The following SNRPG variants were observed in gnomAD, a reference collection of about 807,000 sequenced individuals.
The protein encoded by SNRPG is small nuclear ribonucleoprotein polypeptide G.
In SNRPG, 3 loss-of-function variants were observed where a neutral mutation model predicts 13.9. The observed-to-expected ratio is 0.22, with a 90% CI of 0.10 to 0.56. The LOEUF is 0.56. SNRPG is among the 20% of genes least tolerant of loss of function. The pLI is 0.93. For synonymous variants in SNRPG, 29 were observed against 29.3 expected (o/e 0.99, Z 0.03); for missense variants, 34 against 96.1 (o/e 0.35, Z 2.70).
At chr2:70,288,512 G>T (rs1299846655) in intron 2 of SNRPG, among the ~76,000 whole-genome samples, 1 of 152,158 alleles carries the variant, frequency 6.6e-6, no homozygotes, top group Non-Finnish European at 1.5e-5. Context: ...TCCCGCTTTG[G>T]CCTCCCAAAG....
intron 1 of SNRPG, among the ~76,000 whole-genome samples, chr2:70,290,002 TTC>T (rs1219373171): frequency 6.6e-6 from 1 of 151,140 alleles, no homozygotes; most frequent in Non-Finnish European, 1.5e-5. Context: ...CTAAATTTCT[TTC>T]TTTTTTTTTT....
intron 3 of SNRPG, among the ~76,000 whole-genome samples, chr2:70,283,700 T>A (rs1341508339): frequency 6.6e-6 from 1 of 152,172 alleles, no homozygotes; most frequent in Non-Finnish European, 1.5e-5. Flanking sequence ...ATTGGTAGGA[T>A]AAGTGTCTTG....
chr2:70,293,231 GCC>G, intron 1 of SNRPG: 1 of 702,236 alleles, frequency 1.4e-6, no homozygotes. Flanking sequence ...TTCCCTTCCA[GCC>G]CCTCCTTAGT....
At chr2:70,293,087 C>T in intron 1 of SNRPG, 1 of 702,100 alleles carries the variant, frequency 1.4e-6, no homozygotes, top group South Asian at 1.5e-5. Context: ...ACATGACATT[C>T]AAGCTTAACG....
At chr2:70,291,011 CAA>C (rs1388618800) in intron 1 of SNRPG, among the ~76,000 whole-genome samples, 1 of 76,958 alleles carries the variant, frequency 1.3e-5, no homozygotes, top group Non-Finnish European at 2.7e-5. Context: ...AACTCCATCT[CAA>C]AACACACACA....
chr2:70,291,114 C>T (rs148596598), intron 1 of SNRPG, among the ~76,000 whole-genome samples: 1 of 151,758 alleles, frequency 6.6e-6, no homozygotes, highest in South Asian at 2.1e-4. Flanking sequence ...AAATATAACA[C>T]ACAAGATCTT....
rs1387153487 is a variant in SNRPG at position 70,281,448 on chromosome 2, T to G, written c.*186A>C. 2.4e-6 allele frequency: 1 copy of G among 414,876 alleles called. No individual in the cohort carries two copies. The highest frequency in any genetic ancestry group is 4.4e-6 in the Non-Finnish European group (1 of 225,954). The allele number at this position is 414,876 out of a possible 1,614,324, so 25.7% of individuals were successfully genotyped here. ...TCAATGTCAACCAGGAAAATTCATG[T>G]TAGAAAAAACTGGAATGAGAGCTGA... On this transcript the variant is annotated 3_prime_UTR_variant, in exon 4 of 4. Coordinates refer to ENST00000272348, the MANE Select transcript of SNRPG (RefSeq NM_003096.4).
At chr2:70,283,107 A>ACAAC (rs1696844214) in intron 3 of SNRPG, among the ~76,000 whole-genome samples, 2 of 145,396 alleles carry the variant, frequency 1.4e-5, no homozygotes, top group African/African-American at 5.3e-5. Context: ...AAAAAAAAAA[A>ACAAC]AAAAAAAAAA....
At chr2:70,287,803 G>A (rs1696980101) in intron 3 of SNRPG, 1 of 490,560 alleles carries the variant, frequency 2.0e-6, no homozygotes, top group Non-Finnish European at 3.6e-6. Context: ...CCAACTATGA[G>A]CCTCTATTGC....
Position 70,287,366 on chromosome 2 carries a change from G to A in SNRPG, c.180+702C>T, listed in dbSNP as rs117513249. 4.5e-3 allele frequency: 3,186 copies of A among 701,178 alleles called. 52 individuals are homozygous for A. Among genetic ancestry groups the A allele is most frequent in the East Asian group, 0.023 (861 of 37,212 alleles). The allele number at this position is 701,178 out of a possible 1,614,324, so 43.4% of individuals were successfully genotyped here. On this transcript the variant is annotated intron_variant, in intron 3 of 3. Coordinates refer to ENST00000272348, the MANE Select transcript of SNRPG (RefSeq NM_003096.4). ...TTGGGCTTACCGCTTTATTAGGTAT[G>A]TTGTCCTGTGTTAGACAAAGAGGGA...
chr2:70,291,698 G>A (rs1442533504), intron 1 of SNRPG, among the ~76,000 whole-genome samples: 1 of 152,144 alleles, frequency 6.6e-6, no homozygotes, highest in African/African-American at 2.4e-5. Flanking sequence ...GATCTGACCG[G>A]ATTTCACAAT....
chr2:70,285,316 G>T (rs1054931045), intron 3 of SNRPG, among the ~76,000 whole-genome samples: 1 of 152,182 alleles, frequency 6.6e-6, no homozygotes, highest in Non-Finnish European at 1.5e-5. Flanking sequence ...GCTCACGCCT[G>T]TAATCCCAGC....
Position 70,289,373 on chromosome 2 carries a change from C to A in SNRPG, c.33-1G>T. On this transcript the variant is annotated splice_acceptor_variant, in intron 1 of 3. Coordinates refer to ENST00000272348, the MANE Select transcript of SNRPG (RefSeq NM_003096.4). LOFTEE classifies it high-confidence loss of function. ...ACATGATAACTTCTTGTCCATAAAT[C>A]TGAAAAAGGAAAAGGGTAAAGATTA... 2 of 1,437,302 alleles carry A rather than the reference C, an allele frequency of 1.4e-6. No homozygotes were observed. Among genetic ancestry groups the A allele is most frequent in the Non-Finnish European group, 1.9e-6 (2 of 1,042,114 alleles). The allele number at this position is 1,437,302 out of a possible 1,614,324, so 89.0% of individuals were successfully genotyped here. A position where few individuals can be genotyped will look rare whatever the true frequency, so the allele number is the denominator to read the frequency against.
chr2:70,293,434 C>CGCGCGAGCTCT (rs1420353848), intron 1 of SNRPG, 184 bp downstream of exon 1: 26 of 677,644 alleles, frequency 3.8e-5, no homozygotes, highest in Non-Finnish European at 3.8e-5. Context: ...ACCACACCGA[C>CGCGCGAGCTCT]GCGCGAGCTC....
At chr2:70,284,446 C>G (rs1696890935) in intron 3 of SNRPG, among the ~76,000 whole-genome samples, 1 of 152,150 alleles carries the variant, frequency 6.6e-6, no homozygotes, top group Non-Finnish European at 1.5e-5. Context: ...TGCAGTGGTT[C>G]AATCACAGCT....
In SNRPG at chr2:70,293,504, G is replaced by A. The variant is rs1051792995; in HGVS notation, c.32+114C>T. 42 of 967,376 alleles carry A rather than the reference G, an allele frequency of 4.3e-5. 1 individual carries two copies. Among genetic ancestry groups the A allele is most frequent in the Admixed American group, 2.4e-4 (14 of 58,588 alleles). The allele number at this position is 967,376 out of a possible 1,614,324, so 59.9% of individuals were successfully genotyped here. On this transcript the variant is annotated intron_variant, in intron 1 of 3. Coordinates refer to ENST00000272348, the MANE Select transcript of SNRPG (RefSeq NM_003096.4). ...GCCGGGATCCCGGCGACCTCGGACCGGAAGAAGAAATGAAGTGAAGCGGCT... is the reference window on the plus strand; with the variant it reads ...GCCGGGATCCCGGCGACCTCGGACCAGAAGAAGAAATGAAGTGAAGCGGCT...
intron 3 of SNRPG, among the ~76,000 whole-genome samples, chr2:70,285,464 C>T (rs1017267186): frequency 2.0e-4 from 30 of 151,996 alleles, no homozygotes; most frequent in Admixed American, 5.9e-4. Flanking sequence ...CCCAGCTACT[C>T]GGGAAGCTGA....
intron 3 of SNRPG, chr2:70,287,287 T>C: frequency 1.4e-6 from 1 of 702,700 alleles, no homozygotes; most frequent in Non-Finnish European, 2.6e-6. Context: ...GTCTTTATGC[T>C]TAATAATTTG....
At chr2:70,291,520 C>A (rs1697096796) in intron 1 of SNRPG, among the ~76,000 whole-genome samples, 1 of 152,132 alleles carries the variant, frequency 6.6e-6, no homozygotes, top group African/African-American at 2.4e-5. Context: ...GGATGTTTAG[C>A]AGCACCCTGG....
Sources: allele counts gnomAD v4.1 joint callset (sites outside exome capture counted in the v4.1 genomes callset), GRCh38; gene constraint gnomAD v4.1.1; transcripts MANE v1.5; gene names NCBI Gene and HGNC (gene_info 2026-07-23, HGNC 2026-07-21).